Variants in CTSB observed in about 807,000 individuals in gnomAD.
CTSB encodes the protein APP secretase.
A neutral mutation model predicts 44.3 loss-of-function variants in CTSB; 57 were observed. The observed-to-expected ratio is 1.29, with a 90% confidence interval of 1.04 to 1.60. CTSB has a LOEUF of 1.60. Among genes scored for constraint, CTSB ranks in the 40% most tolerant of loss-of-function variants. CTSB has a pLI of 0.00. For missense variants in CTSB, 768 were observed against 443.0 expected, an observed-to-expected ratio of 1.73 and a Z score of -6.59; for synonymous variants, 320 against 168.0, an observed-to-expected ratio of 1.91 and a Z score of -7.00.
At chr8:11,866,016 CA>C (rs796618698) in intron 1 of CTSB, among the ~76,000 whole-genome samples, 4,899 of 81,332 alleles carry the variant, frequency 0.06, 104 homozygotes, top group Middle Eastern at 0.1. Context: ...GAGTGTGTCT[CA>C]AAAAAAAAAA....
intron 7 of CTSB, 51 bp from the exon 8 acceptor site, chr8:11,847,219 T>A: frequency 4.4e-6 from 5 of 1,149,130 alleles, no homozygotes; most frequent in Non-Finnish European, 5.3e-6. Context: ...CCGTGCCTCG[T>A]GGCACGCCAC....
chr8:11,847,911 C>T lies in CTSB; in HGVS notation c.533-89G>A, dbSNP rs528925197. 5.2e-4 allele frequency: 769 copies of T among 1,470,472 alleles called. 6 individuals are homozygous for T. In the East Asian group the frequency reaches 0.013, roughly 25 times the overall value. 91.1% of individuals were successfully genotyped at this position (1,470,472 alleles called of 1,614,324 possible). A position where few individuals can be genotyped will look rare whatever the true frequency, so the allele number is the denominator to read the frequency against. ...GCAAGCCTCGTGCCTGCAGCATGGACGCCAGGCAGGTCCTGCCAGAGGCCT... is the reference window on the plus strand; with the variant it reads ...GCAAGCCTCGTGCCTGCAGCATGGATGCCAGGCAGGTCCTGCCAGAGGCCT... On this transcript the variant is annotated intron_variant, in intron 6 of 9. Coordinates refer to ENST00000353047, the MANE Select transcript of CTSB (RefSeq NM_001908.5).
intron 1 of CTSB, 39 bp downstream of exon 1, chr8:11,867,962 T>C (rs1817424359): frequency 6.6e-6 from 1 of 151,486 alleles, no homozygotes; most frequent in African/African-American, 2.4e-5. Context: ...CCCGCCAAGG[T>C]CACTTACGCT....
chr8:11,866,822 T>C (rs1263119075), intron 1 of CTSB, among the ~76,000 whole-genome samples: 1 of 152,224 alleles, frequency 6.6e-6, no homozygotes, highest in Non-Finnish European at 1.5e-5. Flanking sequence ...ATCGCGCCAC[T>C]GTGCTCCAGC....
intron 1 of CTSB, among the ~76,000 whole-genome samples, chr8:11,858,698 G>C (rs1400793119): frequency 6.6e-6 from 1 of 152,160 alleles, no homozygotes; most frequent in Non-Finnish European, 1.5e-5. Context: ...GCCAAACACA[G>C]AGGTCCTGAC....
chr8:11,853,664 C>A, intron 1 of CTSB, 185 bp from the exon 2 acceptor site: 1 of 551,368 alleles, frequency 1.8e-6, no homozygotes, highest in Non-Finnish European at 3.1e-6. Flanking sequence ...GCCATGACCT[C>A]GTGTGGGTCC....
At chr8:11,847,570 T>A (rs1051018465) in intron 7 of CTSB, 109 bp downstream of exon 7, 3 of 1,248,354 alleles carry the variant, frequency 2.4e-6, no homozygotes, top group Middle Eastern at 2.8e-4. Context: ...ATCCTAGAGT[T>A]CCGGGACCCC....
chr8:11,854,295 G>T lies in CTSB; in HGVS notation c.-25-816C>A, dbSNP rs548714074. ...GTCAGTCACTCCAGGGGCTCCCACG[G>T]GTGGGTGAGGTGTTCTACCTCCCAC... is the stretch of plus-strand genomic sequence containing the variant. On this transcript the variant is annotated intron_variant, in intron 1 of 9. Coordinates refer to ENST00000353047, the MANE Select transcript of CTSB (RefSeq NM_001908.5). 1.9e-3 allele frequency among the ~76,000 whole-genome samples: 294 copies of T among 152,226 alleles called. 1 individual carries two copies. Among genetic ancestry groups the T allele is most frequent in the African/African-American group, 6.8e-3 (284 of 41,532 alleles).
intron 1 of CTSB, among the ~76,000 whole-genome samples, chr8:11,857,303 C>G (rs1815670063): frequency 6.6e-6 from 1 of 152,152 alleles, no homozygotes. Context: ...CAGGCATGAG[C>G]CACTGGACCT....
chr8:11,853,560 A>T lies in CTSB; in HGVS notation c.-25-81T>A, dbSNP rs947882388. On this transcript the variant is annotated intron_variant, in intron 1 of 9. Coordinates refer to ENST00000353047, the MANE Select transcript of CTSB (RefSeq NM_001908.5). The stretch of plus-strand genomic sequence containing the variant: ...CACACACAGGGGCACCGTCTCGGGC[A>T]TCAGTGGGGACCCCCATGCTCGTCC... 3 of 1,393,812 alleles carry T rather than the reference A, an allele frequency of 2.2e-6. No homozygotes were observed. In the African/African-American group the frequency reaches 4.3e-5, roughly 20 times the overall value. 86.3% of individuals were successfully genotyped at this position (1,393,812 alleles called of 1,614,324 possible). A position where few individuals can be genotyped will look rare whatever the true frequency, so the allele number is the denominator to read the frequency against.
At chr8:11,849,555 T>C (rs1000959006) in intron 4 of CTSB, 4 of 164,650 alleles carry the variant, frequency 2.4e-5, no homozygotes, top group South Asian at 1.6e-4. Context: ...AAATGTGTAG[T>C]ATTAGTTTGT....
chr8:11,848,087 C>T lies in CTSB; in HGVS notation c.512G>A (p.Gly171Asp). 6.2e-7 allele frequency: 1 copy of T among 1,613,708 alleles called. No homozygotes were observed. Among genetic ancestry groups the T allele is most frequent in the Non-Finnish European group, 8.5e-7 (1 of 1,179,734 alleles). ...FWTRKGLVSG[G>D]LYESHVGCRP... ...CTTACCTACATGGGATTCATAGAGG[C>T]CACCAGAAACCAGGCCTTTTCTTGT... The change falls in exon 6 of 10, where the codon GGC (glycine) becomes GAC (aspartate). Residue 171 changes from glycine to aspartate, a missense_variant. Transcript: ENST00000353047.
intron 1 of CTSB, among the ~76,000 whole-genome samples, chr8:11,855,835 T>A (rs541167874): frequency 6.6e-6 from 1 of 152,128 alleles, no homozygotes; most frequent in South Asian, 2.1e-4. Context: ...CTGGCCAACA[T>A]GGTGAAACCC....
At chr8:11,849,239 C>A (rs1814074971) in intron 4 of CTSB, 75 bp from the exon 5 acceptor site, 1 of 1,161,328 alleles carries the variant, frequency 8.6e-7, no homozygotes, top group Admixed American at 1.8e-5. Flanking sequence ...CTCAAAGGGC[C>A]ACAGGGGCAC....
rs1209637903 is a variant in CTSB, at chr8:11,842,712, C to G, written c.*2413G>C. 1 of 152,116 alleles carries G rather than the reference C, an allele frequency of 6.6e-6. No homozygotes were observed. The highest frequency in any genetic ancestry group is 1.5e-5 in the Non-Finnish European group (1 of 68,084). 9.4% of individuals were successfully genotyped at this position (152,116 alleles called of 1,614,324 possible). Reference sequence around the variant, plus strand: ...AGTGCAATGGCGTGATCTCGGCTCACTGCATCCTCTGCCTCCCAGGTTCAA... The same window carrying G: ...AGTGCAATGGCGTGATCTCGGCTCAGTGCATCCTCTGCCTCCCAGGTTCAA... On this transcript the variant is annotated 3_prime_UTR_variant, in exon 10 of 10. Transcript: ENST00000353047.
intron 1 of CTSB, among the ~76,000 whole-genome samples, chr8:11,855,979 G>A (rs1161720308): frequency 2.0e-5 from 3 of 152,128 alleles, no homozygotes; most frequent in African/African-American, 7.2e-5. Context: ...AGTGAGCCAA[G>A]ATTTCACCAC....
intron 8 of CTSB, chr8:11,846,096 A>T (rs1052647785): frequency 4.9e-6 from 1 of 203,422 alleles, no homozygotes; most frequent in South Asian, 1.1e-4. Flanking sequence ...TAGATGACTG[A>T]TTCATCTGTT....
intron 1 of CTSB, among the ~76,000 whole-genome samples, chr8:11,858,972 G>C (rs1815957595): frequency 6.6e-6 from 1 of 152,258 alleles, no homozygotes; most frequent in African/African-American, 2.4e-5. Context: ...ACGAGGGAAG[G>C]ATGTGAACTC....
At chr8:11,856,855 G>GA (rs61344867) in intron 1 of CTSB, among the ~76,000 whole-genome samples, 68 of 145,798 alleles carry the variant, frequency 4.7e-4, no homozygotes, top group East Asian at 8.0e-4. Context: ...TTACTTTTAA[G>GA]AAAAAAAAAA....
Sources: allele counts gnomAD v4.1 joint callset (sites outside exome capture counted in the v4.1 genomes callset), GRCh38; gene constraint gnomAD v4.1.1; transcripts MANE v1.5; gene names NCBI Gene and HGNC (gene_info 2026-07-23, HGNC 2026-07-21).